The following COPS2 variants were observed in gnomAD, a reference collection of about 807,000 sequenced individuals.
The protein encoded by COPS2 is COP9 signalosome subunit 2.
Under a neutral mutation model 66.1 loss-of-function variants are expected in COPS2, and 10 were observed. That is an observed-to-expected ratio of 0.15 (90% CI 0.09 to 0.26). COPS2 has a LOEUF of 0.26. Among genes scored for constraint, COPS2 ranks in the 10% least tolerant of loss-of-function variants. COPS2 has a pLI of 1.00. For missense variants in COPS2, 215 were observed against 513.3 expected, an observed-to-expected ratio of 0.42 and a Z score of 5.62; for synonymous variants, 179 against 171.3, an observed-to-expected ratio of 1.04 and a Z score of -0.35.
At position 49,127,586 on chromosome 15, in the gene COPS2, T is replaced by C. The variant is rs1285510237; in HGVS notation, c.*364A>G. ...TGCAGGTTATTTGTGAGAGAATTTC[T>C]GCAGGTAAAACATGTTTAAATTTAA... On this transcript the variant is annotated 3_prime_UTR_variant, in exon 13 of 13. Coordinates refer to ENST00000388901, the MANE Select transcript of COPS2 (RefSeq NM_004236.4). The C allele has an allele frequency of 5.9e-6, 1 of 168,610 alleles. No homozygotes were observed. Among genetic ancestry groups the C allele is most frequent in the Non-Finnish European group, 1.3e-5 (1 of 79,024 alleles). 10.4% of individuals were successfully genotyped at this position (168,610 alleles called of 1,614,324 possible). A position where few individuals can be genotyped will look rare whatever the true frequency, so the allele number is the denominator to read the frequency against.
At chr15:49,139,439 C>T (rs2141128127) in intron 4 of COPS2, 89 bp downstream of exon 4, 1 of 1,020,614 alleles carries the variant, frequency 9.8e-7, no homozygotes, top group South Asian at 1.4e-5. Flanking sequence ...TAAATAGAAG[C>T]TCTAGGCCTT....
In COPS2 at chr15:49,152,182, A is replaced by G. The variant is rs2084367443; in HGVS notation, c.54+3343T>C. Among the ~76,000 whole-genome samples, 3 of 151,936 alleles carry G rather than the reference A, an allele frequency of 2.0e-5. 1 individual carries two copies. Among genetic ancestry groups the G allele is most frequent in the Non-Finnish European group, 4.4e-5 (3 of 67,942 alleles). On this transcript the variant is annotated intron_variant, in intron 1 of 12. Transcript: ENST00000388901. Reference sequence around the variant, plus strand: ...TTAAATACTAAGAAACATAAAAAAAAAAAAAGAAAATCCCAGACAAAATAA... The same window carrying G: ...TTAAATACTAAGAAACATAAAAAAAGAAAAAGAAAATCCCAGACAAAATAA...
At chr15:49,137,284 G>C in intron 5 of COPS2, 57 bp from the exon 6 acceptor site, 1 of 1,534,510 alleles carries the variant, frequency 6.5e-7, no homozygotes, top group Non-Finnish European at 8.9e-7. Flanking sequence ...TGCATCTTTA[G>C]GAGACTTTAT....
Position 49,139,537 on chromosome 15 carries a change from A to G in COPS2, c.363T>C (p.Thr121=), listed in dbSNP as rs1282272469. Residue 121 remains threonine, a synonymous_variant, in exon 4 of 13, where the codon ACT becomes ACC. Coordinates refer to ENST00000388901, the MANE Select transcript of COPS2 (RefSeq NM_004236.4). ...SINSILDYIS[T]SKQMDLLQEF... ...GAAAATTGAGTCTAACCTGTTTAGAAGTAGAGATATAATCAAGAATAGAAT... is the reference window on the plus strand; with the variant it reads ...GAAAATTGAGTCTAACCTGTTTAGAGGTAGAGATATAATCAAGAATAGAAT... The G allele has an allele frequency of 1.3e-6, 2 of 1,595,932 alleles. No individual in the cohort carries two copies. The highest frequency in any genetic ancestry group is 2.7e-5 in the African/African-American group (2 of 74,428).
intron 3 of COPS2, among the ~76,000 whole-genome samples, chr15:49,140,072 C>T (rs1448970355): frequency 9.2e-5 from 14 of 152,170 alleles, no homozygotes; most frequent in African/African-American, 3.1e-4. Context: ...CCGCAACCTC[C>T]GCCTCCCAGG....
intron 9 of COPS2, among the ~76,000 whole-genome samples, chr15:49,132,944 TC>T (rs1289128423): frequency 2.6e-5 from 4 of 152,082 alleles, no homozygotes; most frequent in Non-Finnish European, 5.9e-5. Context: ...GTACGACCCT[TC>T]TGTCACCCCA....
chr15:49,145,131 G>A (rs1595824919), intron 1 of COPS2, 53 bp from the exon 2 acceptor site: 8 of 941,660 alleles, frequency 8.5e-6, no homozygotes, highest in East Asian at 5.3e-5. Context: ...AAACCCACAC[G>A]TAGCAACGTA....
At position 49,137,342 on chromosome 15, in the gene COPS2, G is replaced by A. The variant is rs1307560077; in HGVS notation, c.462+6C>T. The A allele has an allele frequency of 1.0e-5, 16 of 1,595,056 alleles. No homozygotes were observed. The highest frequency in any genetic ancestry group is 1.4e-5 in the Non-Finnish European group (16 of 1,163,936). On this transcript the variant is annotated splice_donor_region_variant and intron_variant, in intron 5 of 12. Transcript: ENST00000388901. ...AAAAGAAAAGTGTAAGTATTATAAC[G>A]GTTACCTTTGTGTTTGTCTTAAACC...
chr15:49,150,375 CTT>C (rs1342815367), intron 1 of COPS2, among the ~76,000 whole-genome samples: 1 of 151,940 alleles, frequency 6.6e-6, no homozygotes, highest in Non-Finnish European at 1.5e-5. Flanking sequence ...ATTATACCGT[CTT>C]TGATATTTTT....
intron 4 of COPS2, chr15:49,137,733 A>G (rs2084263839): frequency 4.1e-6 from 1 of 244,236 alleles, no homozygotes; most frequent in Non-Finnish European, 7.8e-6. Flanking sequence ...CCAATCTAAT[A>G]ATACATTCTG....
In COPS2 at chr15:49,130,822, A is replaced by T; in HGVS notation, c.948-6T>A. ...TGTCATTATTCTGATAGGCACTAAT[A>T]GAAAAACAAAGTGTAAATTATGTCA... On this transcript the variant is annotated splice_polypyrimidine_tract_variant and splice_region_variant and intron_variant, in intron 9 of 12. Transcript: ENST00000388901. 7.0e-7 allele frequency: 1 copy of T among 1,427,294 alleles called. No individual in the cohort carries two copies. The highest frequency in any genetic ancestry group is 1.8e-4 in the Middle Eastern group (1 of 5,500). The allele number at this position is 1,427,294 out of a possible 1,614,324, so 88.4% of individuals were successfully genotyped here. A position where few individuals can be genotyped will look rare whatever the true frequency, so the allele number is the denominator to read the frequency against.
At chr15:49,154,776 A>C (rs1469619603) in intron 1 of COPS2, among the ~76,000 whole-genome samples, 2 of 152,174 alleles carry the variant, frequency 1.3e-5, no homozygotes, top group Admixed American at 1.3e-4. Flanking sequence ...AAATTCGTTT[A>C]TTTCTATGCT....
intron 1 of COPS2, among the ~76,000 whole-genome samples, chr15:49,150,949 GAAC>G (rs1332293700): frequency 6.6e-6 from 1 of 152,018 alleles, no homozygotes. Flanking sequence ...AAGACAAGAA[GAAC>G]AATACTAGTA....
chr15:49,126,253 C>T lies in COPS2; in HGVS notation c.*1697G>A, dbSNP rs192209814. 6.6e-6 allele frequency: 1 copy of T among 152,420 alleles called. No homozygotes were observed. Among genetic ancestry groups the T allele is most frequent in the Non-Finnish European group, 1.5e-5 (1 of 67,910 alleles). The allele number at this position is 152,420 out of a possible 1,614,324, so 9.4% of individuals were successfully genotyped here. On this transcript the variant is annotated 3_prime_UTR_variant, in exon 13 of 13. Transcript: ENST00000388901. ...GTTTTCTTTCCGTTTTCTACAATTT[C>T]CAACTTGTACCTGTGTTTAATACTG... is the stretch of plus-strand genomic sequence containing the variant.
Position 49,137,419 on chromosome 15 carries a change from A to C in COPS2, c.391T>G (p.Phe131Val). The C allele has an allele frequency of 6.2e-7, 1 of 1,612,152 alleles. No homozygotes were observed. The highest frequency in any genetic ancestry group is 8.5e-7 in the Non-Finnish European group (1 of 1,178,814). Residue 131 changes from phenylalanine (F) to valine (V), a missense_variant, in exon 5 of 13, where the codon TTC (phenylalanine) becomes GTC (valine). By Grantham distance (50) the Phe-to-Val change is conservative. This residue lies in a region of COPS2 where 90 missense variants were observed against 225.1 expected (regional missense o/e 0.40). Coordinates refer to ENST00000388901, the MANE Select transcript of COPS2 (RefSeq NM_004236.4). Reference sequence around the variant, plus strand: ...AAAGCTTCCAGTGTTGTTTCATAGAATTCCTGCAGTAAATCCATCTGACAT... The same window carrying C: ...AAAGCTTCCAGTGTTGTTTCATAGACTTCCTGCAGTAAATCCATCTGACAT... ...TSKQMDLLQE[F>V]YETTLEALKD... is the part of the protein sequence containing the mutation.
chr15:49,127,938 G>A lies in COPS2; in HGVS notation c.*12C>T, dbSNP rs746739053. On this transcript the variant is annotated 3_prime_UTR_variant, in exon 13 of 13. Transcript: ENST00000388901. ...TGTTGCCTTAAGGACGTCTGTAAAA[G>A]CTTGTTCTCTGTTAAGCCAGTTTAC... The A allele has an allele frequency of 2.5e-6, 4 of 1,613,190 alleles. No individual in the cohort carries two copies. Among genetic ancestry groups the A allele is most frequent in the Non-Finnish European group, 3.4e-6 (4 of 1,179,482 alleles).
At chr15:49,147,642 C>T (rs1359054464) in intron 1 of COPS2, among the ~76,000 whole-genome samples, 1 of 142,282 alleles carries the variant, frequency 7.0e-6, no homozygotes, top group Non-Finnish European at 1.5e-5. Context: ...TCACGGAATA[C>T]TTATAATAAG....
chr15:49,144,242 C>T lies in COPS2; in HGVS notation c.231G>A (p.Lys77=). ...WGFKALKQMI[K]INFKLTNFPE... is the part of the protein sequence containing the mutation. The stretch of plus-strand genomic sequence containing the variant: ...CAAATCTTACCAACTTGAAGTTAAT[C>T]TTAATCATTTGTTTCAGTGCTTTAA... The change falls in exon 3 of 13, where the codon AAG becomes AAA. Residue 77 remains lysine (K), a synonymous_variant. Transcript: ENST00000388901. 6.2e-7 allele frequency: 1 copy of T among 1,608,046 alleles called. No individual in the cohort carries two copies. The highest frequency in any genetic ancestry group is 1.1e-5 in the South Asian group (1 of 90,634).
chr15:49,126,535 GA>G lies in COPS2; in HGVS notation c.*1414del, dbSNP rs1455434491. ...TTTTACATAATAATAACAAGCAATA[GA>G]AAAACCAAAGAAATTATGTTAATCC... On this transcript the variant is annotated 3_prime_UTR_variant, in exon 13 of 13. Transcript: ENST00000388901. 2 of 152,312 alleles carry G rather than the reference GA, an allele frequency of 1.3e-5. No homozygotes were observed. The highest frequency in any genetic ancestry group is 2.9e-5 in the Non-Finnish European group (2 of 67,898). The allele number at this position is 152,312 out of a possible 1,614,324, so 9.4% of individuals were successfully genotyped here. A position where few individuals can be genotyped will look rare whatever the true frequency, so the allele number is the denominator to read the frequency against.
Sources: gnomAD v4.1 joint callset for allele counts (sites outside exome capture counted in the v4.1 genomes callset) on GRCh38, gnomAD v4.1.1 for gene constraint, gnomAD v4.1.1 regional missense constraint, MANE v1.5 for transcripts, NCBI Gene and HGNC (gene_info 2026-07-23, HGNC 2026-07-21) for gene names.